DYNC2I1: variants seen among roughly 807,000 people sequenced by gnomAD.
DYNC2I1 encodes the protein dynein 2 intermediate chain 1.
A neutral mutation model predicts 133.4 loss-of-function variants in DYNC2I1; 89 were observed. The observed-to-expected ratio is 0.67, with a 90% CI of 0.56 to 0.80. The LOEUF (loss-of-function observed/expected upper bound fraction) is 0.80. Ranked by LOEUF, DYNC2I1 falls within the 30% of genes least tolerant of loss-of-function variation. The pLI is 0.00. For missense variants in DYNC2I1, 1,291 were observed against 1,314.5 expected, an observed-to-expected ratio of 0.98 and a Z score of 0.28; for synonymous variants, 504 against 484.3, an observed-to-expected ratio of 1.04 and a Z score of -0.54.
intron 11 of DYNC2I1, among the ~76,000 whole-genome samples, chr7:158,907,752 G>T (rs1356078805): frequency 1.3e-5 from 2 of 152,028 alleles, no homozygotes; most frequent in African/African-American, 4.8e-5. Flanking sequence ...GGGATTACAG[G>T]TGTGCACCAC....
chr7:158,869,996 A>G, intron 2 of DYNC2I1, 88 bp downstream of exon 2: 1 of 1,173,876 alleles, frequency 8.5e-7, no homozygotes, highest in South Asian at 1.4e-5. Flanking sequence ...AACACTGTAT[A>G]ACTTTGGTTA....
chr7:158,857,628 C>G (rs1452470872), intron 1 of DYNC2I1, among the ~76,000 whole-genome samples: 1 of 149,858 alleles, frequency 6.7e-6, no homozygotes, highest in African/African-American at 2.5e-5. Context: ...ACCTCCGACT[C>G]CAGGGTTCAA....
downstream of DYNC2I1, among the ~76,000 whole-genome samples, chr7:158,950,302 T>C (rs1852017103): frequency 1.3e-5 from 2 of 152,218 alleles, no homozygotes; most frequent in African/African-American, 4.8e-5. Context: ...TGACCTCAAG[T>C]GATCTGCCCA....
In DYNC2I1 at chr7:158,887,072, G is replaced by A. The variant is rs746821870; in HGVS notation, c.987G>A (p.Arg329=). The A allele has an allele frequency of 2.5e-6, 4 of 1,613,778 alleles. No individual in the cohort carries two copies. Among genetic ancestry groups the A allele is most frequent in the Admixed American group, 1.7e-5 (1 of 60,006 alleles). The change falls in exon 7 of 25, where the codon CGG becomes CGA. Residue 329 remains arginine (R), a synonymous_variant. Transcript: ENST00000407559. ...RNHGKDKDSR[R]KHGHEEGSSV... ...ATGGAAAAGATAAAGATTCAAGACG[G>A]AAGGTAAGGCAGTCTCCACTGAGAA...
the DYNC2I1 span, among the ~76,000 whole-genome samples, chr7:158,843,367 TCTC>T: frequency 2.0e-5 from 3 of 152,164 alleles, no homozygotes; most frequent in Admixed American, 2.0e-4. Flanking sequence ...TTCAAGCAAT[TCTC>T]CTGCCTCAGC....
chr7:158,912,553 G>A (rs902152570), intron 12 of DYNC2I1, among the ~76,000 whole-genome samples: 5 of 152,006 alleles, frequency 3.3e-5, no homozygotes, highest in Non-Finnish European at 7.4e-5. Context: ...TGAACTCCTC[G>A]GACACTGACA....
intron 21 of DYNC2I1, among the ~76,000 whole-genome samples, chr7:158,933,269 G>C (rs777078852): frequency 6.6e-6 from 1 of 152,158 alleles, no homozygotes; most frequent in African/African-American, 2.4e-5. Flanking sequence ...AAAAGGAAAG[G>C]AAAATCTCTA....
At chr7:158,905,116 T>C (rs935283604) in intron 10 of DYNC2I1, 1 of 422,226 alleles carries the variant, frequency 2.4e-6, no homozygotes, top group Admixed American at 2.9e-5. Context: ...GGGGATGGAG[T>C]TGTTTGTTCT....
chr7:158,862,298 C>T (rs1024946965), intron 1 of DYNC2I1, among the ~76,000 whole-genome samples: 1 of 151,888 alleles, frequency 6.6e-6, no homozygotes, highest in African/African-American at 2.4e-5. Context: ...GAGAAAAGGA[C>T]GAATCAGGGG....
At chr7:158,909,659 G>A (rs1470133019) in intron 11 of DYNC2I1, among the ~76,000 whole-genome samples, 1 of 152,158 alleles carries the variant, frequency 6.6e-6, no homozygotes, top group Non-Finnish European at 1.5e-5. Context: ...ATATACCGGA[G>A]CAACCAAGGC....
intron 7 of DYNC2I1, among the ~76,000 whole-genome samples, chr7:158,887,921 C>G (rs141400267): frequency 6.6e-6 from 1 of 151,992 alleles, no homozygotes; most frequent in Non-Finnish European, 1.5e-5. Context: ...ATTATCTTCA[C>G]TGTCTCCATT....
chr7:158,914,909 A>T (rs1159065963), intron 14 of DYNC2I1, among the ~76,000 whole-genome samples: 2 of 152,252 alleles, frequency 1.3e-5, no homozygotes, highest in Admixed American at 1.3e-4. Context: ...TGTCTAAAAG[A>T]GTAATTAGTA....
Position 158,926,185 on chromosome 7 carries a change from A to C in DYNC2I1, c.2258-2A>C. Reference sequence around the variant, plus strand: ...TGGATGCTGTGGGCTTTTGAACTCCAGATGGAATCCTTACCTCAGTAAACC... The same window carrying C: ...TGGATGCTGTGGGCTTTTGAACTCCCGATGGAATCCTTACCTCAGTAAACC... On this transcript the variant is annotated splice_acceptor_variant, in intron 17 of 24. Coordinates refer to ENST00000407559, the MANE Select transcript of DYNC2I1 (RefSeq NM_018051.5). LOFTEE classifies it high-confidence loss of function. The C allele has an allele frequency of 1.2e-6, 2 of 1,610,928 alleles. No individual in the cohort carries two copies. The highest frequency in any genetic ancestry group is 1.7e-6 in the Non-Finnish European group (2 of 1,178,152).
chr7:158,879,643 T>A, intron 4 of DYNC2I1, 41 bp from the exon 5 acceptor site: 1 of 1,523,278 alleles, frequency 6.6e-7, no homozygotes, highest in Non-Finnish European at 8.8e-7. Flanking sequence ...GCACTCCTAT[T>A]TGATGTGCTC....
rs565078606 is a variant in DYNC2I1, at chr7:158,942,001, C to G, written c.2855C>G (p.Thr952Arg). Residue 952 changes from threonine (T) to arginine (R), a missense_variant, in exon 24 of 25, where the codon ACG becomes AGG. Physicochemically the swap from Thr to Arg is moderately conservative, Grantham distance 71 (BLOSUM62 -1). Coordinates refer to ENST00000407559, the MANE Select transcript of DYNC2I1 (RefSeq NM_018051.5). Reference protein sequence around the residue: ...AFPLLQWDSSTDSHAVTGLQW... With the variant: ...AFPLLQWDSSRDSHAVTGLQW... ...CCGCTCCTGCAGTGGGACAGCAGCACGGACAGCCATGCGGTCACCGGCCTG... is the reference window on the plus strand; with the variant it reads ...CCGCTCCTGCAGTGGGACAGCAGCAGGGACAGCCATGCGGTCACCGGCCTG... The G allele has an allele frequency of 6.2e-7, 1 of 1,613,494 alleles. No individual in the cohort carries two copies. Among genetic ancestry groups the G allele is most frequent in the East Asian group, 2.2e-5 (1 of 44,880 alleles).
intron 17 of DYNC2I1, among the ~76,000 whole-genome samples, chr7:158,924,055 C>G (rs1292419800): frequency 7.2e-5 from 11 of 152,176 alleles, no homozygotes; most frequent in Admixed American, 7.2e-4. Context: ...ATAGCTCACA[C>G]TCACGTGAGC....
chr7:158,910,012 C>T (rs573834234), intron 11 of DYNC2I1, among the ~76,000 whole-genome samples: 195 of 152,160 alleles, frequency 1.3e-3, no homozygotes, highest in African/African-American at 4.2e-3. Context: ...GGATGTTGGG[C>T]GGGTCGTTCA....
At chr7:158,914,121 C>T (rs1847770698) in intron 13 of DYNC2I1, 112 bp from the exon 14 acceptor site, 5 of 797,488 alleles carry the variant, frequency 6.3e-6, no homozygotes, top group African/African-American at 3.5e-5. Flanking sequence ...CTGTCTTTTC[C>T]TTCTGGGACT....
At chr7:158,920,633 C>A (rs1311633704) in intron 15 of DYNC2I1, among the ~76,000 whole-genome samples, 1 of 151,992 alleles carries the variant, frequency 6.6e-6, no homozygotes, top group African/African-American at 2.4e-5. Flanking sequence ...TTGGGGAACT[C>A]GTGAAGTGTG....
Sources: allele counts gnomAD v4.1 joint callset (sites outside exome capture counted in the v4.1 genomes callset), GRCh38; gene constraint gnomAD v4.1.1; transcripts MANE v1.5; gene names NCBI Gene and HGNC (gene_info 2026-07-23, HGNC 2026-07-21).